Variants in SLC6A2 observed in about 807,000 individuals in gnomAD.
SLC6A2 encodes solute carrier family 6 member 2.
Under a neutral mutation model 71.7 loss-of-function variants are expected in SLC6A2, and 26 were observed. The ratio of observed to expected loss-of-function variants is 0.36; its 90% CI spans 0.27 to 0.50. The LOEUF (loss-of-function observed/expected upper bound fraction) is 0.50. Among genes scored for constraint, SLC6A2 ranks in the 20% least tolerant of loss-of-function variants. The probability of loss-of-function intolerance (pLI) is 0.96; values close to 1 mark genes in which losing one functional copy is unlikely to be tolerated. For missense variants in SLC6A2, 581 were observed against 803.9 expected, an observed-to-expected ratio of 0.72 and a Z score of 3.35; for synonymous variants, 363 against 337.9, an observed-to-expected ratio of 1.07 and a Z score of -0.82.
At chr16:55,658,511 C>A (rs1289680728) in intron 2 of SLC6A2, among the ~76,000 whole-genome samples, 1 of 151,084 alleles carries the variant, frequency 6.6e-6, no homozygotes, top group African/African-American at 2.4e-5. Context: ...CAGAGCAAGA[C>A]TCTGTCTCAA....
At chr16:55,674,658 C>T (rs1305384623) in intron 4 of SLC6A2, among the ~76,000 whole-genome samples, 1 of 152,158 alleles carries the variant, frequency 6.6e-6, no homozygotes, top group Non-Finnish European at 1.5e-5. Flanking sequence ...CTCCTGACCT[C>T]AGGTGATCCA....
intron 7 of SLC6A2, 116 bp downstream of exon 7, chr16:55,694,229 T>G: frequency 1.3e-6 from 1 of 775,256 alleles, no homozygotes. Flanking sequence ...CAAATTTTCT[T>G]CTTGTGAACC....
intron 9 of SLC6A2, among the ~76,000 whole-genome samples, chr16:55,696,739 T>G (rs1965811683): frequency 6.6e-6 from 1 of 152,142 alleles, no homozygotes. Context: ...CCCAGGGCTG[T>G]GGAAGGCTGA....
Position 55,698,560 on chromosome 16 carries a change from G to A in SLC6A2, c.1481G>A (p.Trp494Ter), listed in dbSNP as rs1015342851. ...CTCATGGAAGCCATCGGAGTTTCCT[G>A]GTTTTATGGTATGTGAGTGTGTGGA... The part of the protein sequence containing the change: ...AVLMEAIGVS[W>*]FYGVDRFSND... The change falls in exon 11 of 15, where the codon TGG becomes TAG. Residue 494 changes from tryptophan (W) to a stop codon, truncating the protein, a stop_gained. Transcript: ENST00000568943. LOFTEE classifies it high-confidence loss of function. 1 of 1,610,916 alleles carries A rather than the reference G, an allele frequency of 6.2e-7. No individual in the cohort carries two copies. The highest frequency in any genetic ancestry group is 8.5e-7 in the Non-Finnish European group (1 of 1,177,042).
chr16:55,672,052 C>G lies in SLC6A2; in HGVS notation c.521C>G (p.Thr174Ser). 1 of 1,614,192 alleles carries G rather than the reference C, an allele frequency of 6.2e-7. No homozygotes were observed. The highest frequency in any genetic ancestry group is 8.5e-7 in the Non-Finnish European group (1 of 1,180,030). The change falls in exon 4 of 15, where the codon ACC becomes AGC. Residue 174 changes from threonine to serine, a missense_variant. This residue lies in a region of SLC6A2 where 87 missense variants were observed against 99.5 expected (regional missense o/e 0.87). Transcript: ENST00000568943. The part of the protein sequence containing the change: ...FSSFTLNLPW[T>S]DCGHTWNSPN... The stretch of plus-strand genomic sequence containing the variant: ...TCCTTCACCCTCAACCTGCCCTGGA[C>G]CGACTGTGGCCACACCTGGAACAGC...
chr16:55,660,412 T>G (rs1351512732), intron 2 of SLC6A2, among the ~76,000 whole-genome samples: 1 of 152,184 alleles, frequency 6.6e-6, no homozygotes, highest in Non-Finnish European at 1.5e-5. Flanking sequence ...ATGAGGTAAC[T>G]CCTTCTCTCA....
At chr16:55,685,334 T>G (rs1320186286) in intron 5 of SLC6A2, 53 bp downstream of exon 5, 1 of 1,569,058 alleles carries the variant, frequency 6.4e-7, no homozygotes, top group African/African-American at 1.4e-5. Flanking sequence ...CCTTGGGGGG[T>G]GTGATTATTT....
intron 4 of SLC6A2, among the ~76,000 whole-genome samples, chr16:55,681,088 C>G (rs1188003409): frequency 6.6e-6 from 1 of 152,174 alleles, no homozygotes; most frequent in East Asian, 1.9e-4. Context: ...CCCAGCCGAC[C>G]CCCTCTACTG....
chr16:55,656,982 C>T lies in SLC6A2; in HGVS notation c.274+14C>T. Reference sequence around the variant, plus strand: ...AGAACGGCGGCGGTGAGCGTGGGGTCGGGCTGGGAATTTGAATCTGGGAGG... The same window carrying T: ...AGAACGGCGGCGGTGAGCGTGGGGTTGGGCTGGGAATTTGAATCTGGGAGG... On this transcript the variant is annotated intron_variant, in intron 2 of 14. Coordinates refer to ENST00000568943, the MANE Select transcript of SLC6A2 (RefSeq NM_001172501.3). The surrounding 1 kb of genome is among the most constrained non-coding windows in gnomAD (Gnocchi z 4.5). The T allele has an allele frequency of 6.2e-7, 1 of 1,611,892 alleles. No homozygotes were observed. The highest frequency in any genetic ancestry group is 8.5e-7 in the Non-Finnish European group (1 of 1,179,064).
chr16:55,683,828 A>G (rs1487409151), intron 4 of SLC6A2, among the ~76,000 whole-genome samples: 1 of 152,088 alleles, frequency 6.6e-6, no homozygotes, highest in Non-Finnish European at 1.5e-5. Flanking sequence ...CCTAGTCAGT[A>G]ACCCCCTCAA....
At chr16:55,698,943 G>A (rs764085718) in intron 11 of SLC6A2, among the ~76,000 whole-genome samples, 5 of 152,046 alleles carry the variant, frequency 3.3e-5, no homozygotes, top group Non-Finnish European at 5.9e-5. Context: ...ATATTGCATC[G>A]GACATACTTA....
At chr16:55,669,483 C>G in intron 2 of SLC6A2, 82 bp from the exon 3 acceptor site, 2 of 1,519,562 alleles carry the variant, frequency 1.3e-6, no homozygotes, top group Non-Finnish European at 1.8e-6. Flanking sequence ...CGCCCAGGAT[C>G]TTTGCAGCTC....
intron 3 of SLC6A2, 38 bp downstream of exon 3, chr16:55,669,734 A>G: frequency 6.2e-7 from 1 of 1,612,876 alleles, no homozygotes; most frequent in Non-Finnish European, 8.5e-7. Flanking sequence ...GTTGTTCATA[A>G]AGGCTTCCCT....
intron 4 of SLC6A2, among the ~76,000 whole-genome samples, chr16:55,682,555 C>T (rs1237857693): frequency 1.3e-5 from 2 of 152,194 alleles, no homozygotes; most frequent in Non-Finnish European, 2.9e-5. Flanking sequence ...GTCTAACTGC[C>T]AGTTCTGGGC....
chr16:55,674,447 CCGAG>C (rs1965019814), intron 4 of SLC6A2, among the ~76,000 whole-genome samples: 3 of 150,854 alleles, frequency 2.0e-5, no homozygotes, highest in African/African-American at 7.3e-5. Flanking sequence ...TTTTTTGAGA[CCGAG>C]TCTCTCTCTG....
intron 4 of SLC6A2, among the ~76,000 whole-genome samples, chr16:55,677,695 G>C (rs370275448): frequency 1.6e-5 from 2 of 128,764 alleles, no homozygotes; most frequent in African/African-American, 5.9e-5. Flanking sequence ...TAAAAAAGAC[G>C]GGGTCTTGCT....
chr16:55,666,485 GCTGTC>G (rs1964753945), intron 2 of SLC6A2, among the ~76,000 whole-genome samples: 2 of 152,210 alleles, frequency 1.3e-5, no homozygotes, highest in African/African-American at 2.4e-5. Context: ...GGGCAAGCTA[GCTGTC>G]CTCTTTTAGA....
At position 55,672,127 on chromosome 16, in the gene SLC6A2, A is replaced by G. The variant is rs774651227; in HGVS notation, c.596A>G (p.His199Arg). The change falls in exon 4 of 15, where the codon CAC becomes CGC. Residue 199 changes from histidine to arginine, a missense_variant. Transcript: ENST00000568943. ...KLLNGSVLGN[H>R]TKYSKYKFTP... is the part of the protein sequence containing the mutation. ...CTCAATGGCTCCGTGCTTGGCAACC[A>G]CACCAAGTACTCCAAGTACAAGTTC... 5 of 1,614,120 alleles carry G rather than the reference A, an allele frequency of 3.1e-6. No individual in the cohort carries two copies. Among genetic ancestry groups the G allele is most frequent in the Non-Finnish European group, 4.2e-6 (5 of 1,180,022 alleles).
chr16:55,691,831 T>A, intron 5 of SLC6A2, 87 bp from the exon 6 acceptor site: 1 of 1,467,298 alleles, frequency 6.8e-7, no homozygotes, highest in Non-Finnish European at 9.5e-7. Flanking sequence ...CATGACTGGC[T>A]CCCTGGGAAA....
Sources: gnomAD v4.1 joint callset for allele counts (sites outside exome capture counted in the v4.1 genomes callset) on GRCh38, gnomAD v4.1.1 for gene constraint, gnomAD v4.1.1 regional missense constraint, Gnocchi (gnomAD v3.1) non-coding constraint, MANE v1.5 for transcripts, NCBI Gene and HGNC (gene_info 2026-07-23, HGNC 2026-07-21) for gene names.